HERC1: variants seen among roughly 807,000 people sequenced by gnomAD.
HERC1 encodes the protein HECT and RLD domain containing E3 ubiquitin protein ligase family member 1.
In HERC1, 160 loss-of-function variants were observed where a neutral mutation model predicts 554.3. That is an observed-to-expected ratio of 0.29 (90% CI 0.25 to 0.33). HERC1 has a LOEUF of 0.33. Ranked by LOEUF, HERC1 falls within the 10% of genes least tolerant of loss-of-function variation. The pLI is 1.00. For synonymous variants in HERC1, 2,175 were observed against 2,131.7 expected (o/e 1.02, Z -0.56); for missense variants, 4,919 against 5,918.5 (o/e 0.83, Z 5.54).
chr15:63,737,217 G>T (rs2074545342), intron 12 of HERC1, among the ~76,000 whole-genome samples: 1 of 150,150 alleles, frequency 6.7e-6, no homozygotes, highest in Non-Finnish European at 1.5e-5. Context: ...GGGAAAAGAT[G>T]GAAAACAGGA....
In HERC1 at chr15:63,672,606, G is replaced by A; in HGVS notation, c.7935C>T (p.Ser2645=). 1 of 1,612,792 alleles carries A rather than the reference G, an allele frequency of 6.2e-7. No individual in the cohort carries two copies. ...TTSPSASSTT[S]FMSSSLEDTT... is the part of the protein sequence containing the mutation. ...TGTCCTCCAGAGAGCTGCTCATAAA[G>A]GAGGTCGTGCTTGAGGCTGATGGGC... is the stretch of plus-strand genomic sequence containing the variant. The change falls in exon 39 of 78, where the codon TCC becomes TCT. Residue 2645 remains serine (S), a synonymous_variant. Coordinates refer to ENST00000443617, the MANE Select transcript of HERC1 (RefSeq NM_003922.4).
chr15:63,755,330 A>G lies in HERC1; in HGVS notation c.1534-5T>C, dbSNP rs764771551. The G allele has an allele frequency of 9.3e-6, 15 of 1,605,732 alleles. No homozygotes were observed. The South Asian group carries it at 1.5e-4, about 16-fold the overall frequency. On this transcript the variant is annotated splice_polypyrimidine_tract_variant and splice_region_variant and intron_variant, in intron 5 of 77. Coordinates refer to ENST00000443617, the MANE Select transcript of HERC1 (RefSeq NM_003922.4). The stretch of plus-strand genomic sequence containing the variant: ...AGCTGACACACAAACAACTACCTGC[A>G]TTGCACACAAGTAAATACGATGAGT...
rs2075359013 is a variant in HERC1 at position 63,754,588 on chromosome 15, C to G, written c.1691G>C (p.Gly564Ala). 1 of 1,613,442 alleles carries G rather than the reference C, an allele frequency of 6.2e-7. No homozygotes were observed. Among genetic ancestry groups the G allele is most frequent in the Admixed American group, 1.7e-5 (1 of 59,984 alleles). Residue 564 changes from glycine to alanine, a missense_variant, in exon 7 of 78, where the codon GGA becomes GCA. Gly to Ala is a moderately conservative substitution (Grantham distance 60). Transcript: ENST00000443617. ...ATGTGAACTGCCACAAGAAACCTCT[C>G]CTACATTGCTGATGTCTTTTACTAA... ...PTLVKDISNV[G>A]EVSCGSSHTI... is the part of the protein sequence containing the mutation.
chr15:63,626,316 T>C (rs2068298564), intron 70 of HERC1, among the ~76,000 whole-genome samples, 162 bp from the exon 71 acceptor site: 1 of 152,248 alleles, frequency 6.6e-6, no homozygotes, highest in African/African-American at 2.4e-5. Context: ...TGTGCATTTG[T>C]GTTGGTTTTT....
At chr15:63,751,882 A>G (rs1022795640) in intron 8 of HERC1, among the ~76,000 whole-genome samples, 1 of 152,136 alleles carries the variant, frequency 6.6e-6, no homozygotes, top group African/African-American at 2.4e-5. Flanking sequence ...ATAGTTGAAT[A>G]GTATTGGATA....
intron 1 of HERC1, among the ~76,000 whole-genome samples, chr15:63,826,814 A>AATATATATATATATATATATATAT (rs1555454978): frequency 1.4e-3 from 32 of 22,216 alleles, no homozygotes; most frequent in South Asian, 1.8e-3. Context: ...AAAAAAAAAA[A>AATATATATATATATATATATATAT]ATATATATAT....
intron 1 of HERC1, among the ~76,000 whole-genome samples, chr15:63,814,074 A>AAAC (rs1396496683): frequency 6.6e-6 from 1 of 152,168 alleles, no homozygotes; most frequent in Non-Finnish European, 1.5e-5. Flanking sequence ...AACAAAAAAC[A>AAAC]AACAACAACA....
chr15:63,608,979 T>C lies in HERC1; in HGVS notation c.*102A>G, dbSNP rs1030874893. 77 of 1,005,852 alleles carry C rather than the reference T, an allele frequency of 7.7e-5. No homozygotes were observed. Among genetic ancestry groups the C allele is most frequent in the Non-Finnish European group, 9.8e-5 (70 of 711,276 alleles). 62.3% of individuals were successfully genotyped at this position (1,005,852 alleles called of 1,614,324 possible). On this transcript the variant is annotated 3_prime_UTR_variant, in exon 78 of 78. Transcript: ENST00000443617. The stretch of plus-strand genomic sequence containing the variant: ...GGCCATTGTTTATAATGTTGGTTTA[T>C]GTTCTTATAACATCTATGTAGTTAC...
At chr15:63,804,096 C>T (rs1019482789) in intron 1 of HERC1, among the ~76,000 whole-genome samples, 5 of 152,124 alleles carry the variant, frequency 3.3e-5, no homozygotes, top group African/African-American at 9.7e-5. Flanking sequence ...GAAAAATAAA[C>T]CTTGACCCTA....
intron 24 of HERC1, among the ~76,000 whole-genome samples, chr15:63,710,592 G>A (rs950827516): frequency 4.6e-5 from 7 of 152,122 alleles, no homozygotes; most frequent in Admixed American, 6.6e-5. Context: ...ACTGATCAAT[G>A]AATAACTAAA....
intron 8 of HERC1, chr15:63,752,487 C>G (rs1330937728): frequency 6.5e-6 from 1 of 152,674 alleles, no homozygotes; most frequent in Non-Finnish European, 1.5e-5. Context: ...TTTATAAAGG[C>G]TCATAAAATT....
chr15:63,614,747 T>G (rs549849982), intron 76 of HERC1, among the ~76,000 whole-genome samples: 1 of 152,362 alleles, frequency 6.6e-6, no homozygotes, highest in African/African-American at 2.4e-5. Context: ...TATGACCACA[T>G]GAGTGGTCAC....
chr15:63,647,435 G>T (rs1195909154), intron 55 of HERC1, among the ~76,000 whole-genome samples: 1 of 152,038 alleles, frequency 6.6e-6, no homozygotes, highest in African/African-American at 2.4e-5. Flanking sequence ...ATAGAAAACA[G>T]TATGGGGATT....
rs1318261051 is a variant in HERC1, at chr15:63,789,099, T to G, written c.-26-13450A>C. Among the ~76,000 whole-genome samples, 75 of 124,018 alleles carry G rather than the reference T, an allele frequency of 6.0e-4. 3 individuals carry two copies. The highest frequency in any genetic ancestry group is 1.6e-3 in the South Asian group (6 of 3,736). The allele number at this position is 124,018 out of a possible 152,430, so 81.4% of individuals were successfully genotyped here. A position where few individuals can be genotyped will look rare whatever the true frequency, so the allele number is the denominator to read the frequency against. On this transcript the variant is annotated intron_variant, in intron 1 of 77. Coordinates refer to ENST00000443617, the MANE Select transcript of HERC1 (RefSeq NM_003922.4). ...AAAGGTTTTTTTTTTTTTTTTTTTTTTTTTTTTTTGAGACGGAGTCTCGCT... is the reference window on the plus strand; with the variant it reads ...AAAGGTTTTTTTTTTTTTTTTTTTTGTTTTTTTTTGAGACGGAGTCTCGCT...
At chr15:63,721,465 G>A (rs2073818039) in intron 19 of HERC1, among the ~76,000 whole-genome samples, 1 of 152,160 alleles carries the variant, frequency 6.6e-6, no homozygotes, top group South Asian at 2.1e-4. Context: ...GGCGGAGGTT[G>A]CAGTGAGCTG....
At chr15:63,746,348 G>A (rs1047379403) in intron 12 of HERC1, among the ~76,000 whole-genome samples, 1 of 152,014 alleles carries the variant, frequency 6.6e-6, no homozygotes, top group Non-Finnish European at 1.5e-5. Flanking sequence ...TACCAAAAGA[G>A]TTTATTTTCT....
At chr15:63,708,061 T>C (rs2073110064) in intron 24 of HERC1, among the ~76,000 whole-genome samples, 1 of 152,042 alleles carries the variant, frequency 6.6e-6, no homozygotes, top group South Asian at 2.1e-4. Context: ...CATTTTCTTA[T>C]ACTCACCTAC....
intron 1 of HERC1, among the ~76,000 whole-genome samples, chr15:63,831,202 G>A (rs1038017986): frequency 1.4e-4 from 21 of 152,076 alleles, no homozygotes; most frequent in African/African-American, 4.8e-4. Flanking sequence ...AATCTCCCAG[G>A]CTCAATTGAT....
At chr15:63,741,599 CTA>C (rs2074810408) in intron 12 of HERC1, among the ~76,000 whole-genome samples, 1 of 152,124 alleles carries the variant, frequency 6.6e-6, no homozygotes, top group South Asian at 2.1e-4. Flanking sequence ...GCGCCTGGCC[CTA>C]TGTTTTCTTT....
Sources: gnomAD v4.1 joint callset for allele counts (sites outside exome capture counted in the v4.1 genomes callset) on GRCh38, gnomAD v4.1.1 for gene constraint, MANE v1.5 for transcripts, NCBI Gene and HGNC (gene_info 2026-07-23, HGNC 2026-07-21) for gene names.